The following GABRB1 variants were observed in gnomAD, a reference collection of about 807,000 sequenced individuals.
GABRB1 encodes the protein gamma-aminobutyric acid receptor subunit beta-1.
A neutral mutation model predicts 51.6 loss-of-function variants in GABRB1; 17 were observed. The observed-to-expected ratio is 0.33, with a 90% CI of 0.23 to 0.49. The LOEUF (loss-of-function observed/expected upper bound fraction) is 0.49. GABRB1 is among the 20% of genes least tolerant of loss of function. GABRB1 has a pLI of 0.99. For synonymous variants in GABRB1, 247 were observed against 218.9 expected, an observed-to-expected ratio of 1.13 and a Z score of -1.14; for missense variants, 410 against 600.6, an observed-to-expected ratio of 0.68 and a Z score of 3.32.
In GABRB1 at chr4:47,156,057, T is replaced by C. The variant is rs569006385; in HGVS notation, c.241-5192T>C. Reference sequence around the variant, plus strand: ...AATGGGAGTGCAGATATCTCATTGATATATTGTTTCATTTCTTTTGGCATG... The same window carrying C: ...AATGGGAGTGCAGATATCTCATTGACATATTGTTTCATTTCTTTTGGCATG... On this transcript the variant is annotated intron_variant, in intron 3 of 8. Coordinates refer to ENST00000295454, the MANE Select transcript of GABRB1 (RefSeq NM_000812.4). 1.2e-4 allele frequency among the ~76,000 whole-genome samples: 18 copies of C among 151,484 alleles called. No homozygotes were observed. In the South Asian group the frequency reaches 3.3e-3, roughly 28 times the overall value.
intron 3 of GABRB1, 166 bp downstream of exon 3, chr4:47,032,650 T>G: frequency 1.4e-6 from 1 of 736,640 alleles, no homozygotes; most frequent in Non-Finnish European, 2.5e-6. Flanking sequence ...GCCCCTGGTT[T>G]GTAATTTCGA....
chr4:47,274,791 C>A (rs900695844), intron 4 of GABRB1, among the ~76,000 whole-genome samples: 37 of 152,254 alleles, frequency 2.4e-4, no homozygotes, highest in African/African-American at 7.7e-4. Flanking sequence ...TTCATTCAGG[C>A]TAACTCTCAA....
intron 4 of GABRB1, among the ~76,000 whole-genome samples, chr4:47,260,909 A>T (rs542064051): frequency 6.6e-6 from 1 of 152,342 alleles, no homozygotes; most frequent in Admixed American, 6.5e-5. Flanking sequence ...GCAAATCAAT[A>T]AATGTAATCC....
intron 3 of GABRB1, among the ~76,000 whole-genome samples, chr4:47,073,426 T>A (rs1283593625): frequency 6.6e-6 from 1 of 152,164 alleles, no homozygotes; most frequent in Admixed American, 6.5e-5. Flanking sequence ...CACTTCCTAA[T>A]GCTATAATAA....
chr4:46,997,218 A>G (rs7683042), intron 1 of GABRB1, among the ~76,000 whole-genome samples: 51,508 of 151,836 alleles, frequency 0.34, 9,200 homozygotes, highest in Middle Eastern at 0.45. Flanking sequence ...GAGGTATACA[A>G]CAAGATGTTT....
At chr4:47,121,526 G>C (rs1293140798) in intron 3 of GABRB1, among the ~76,000 whole-genome samples, 1 of 152,030 alleles carries the variant, frequency 6.6e-6, no homozygotes, top group African/African-American at 2.4e-5. Flanking sequence ...ATTGATGAAG[G>C]CTTCCATTTG....
At chr4:47,011,356 T>C (rs537748311) in intron 1 of GABRB1, among the ~76,000 whole-genome samples, 1 of 152,162 alleles carries the variant, frequency 6.6e-6, no homozygotes, top group South Asian at 2.1e-4. Context: ...CTGTGAACTG[T>C]CTGGGCGGCA....
At chr4:47,289,893 T>C (rs1723658714) in intron 4 of GABRB1, among the ~76,000 whole-genome samples, 1 of 152,220 alleles carries the variant, frequency 6.6e-6, no homozygotes, top group Admixed American at 6.5e-5. Flanking sequence ...GCAAAGAATA[T>C]TGGGAACTTT....
At chr4:47,375,347 C>G (rs1197608271) in intron 5 of GABRB1, among the ~76,000 whole-genome samples, 1 of 152,128 alleles carries the variant, frequency 6.6e-6, no homozygotes, top group African/African-American at 2.4e-5. Flanking sequence ...TCCAGGAAAA[C>G]AATCATGAAT....
chr4:47,331,654 A>G (rs2109975807), intron 5 of GABRB1, among the ~76,000 whole-genome samples: 1 of 152,230 alleles, frequency 6.6e-6, no homozygotes, highest in South Asian at 2.1e-4. Flanking sequence ...ACACTTAAAG[A>G]CACATTTTAT....
At chr4:47,298,748 C>A (rs1231557125) in intron 4 of GABRB1, among the ~76,000 whole-genome samples, 1 of 152,136 alleles carries the variant, frequency 6.6e-6, no homozygotes, top group Non-Finnish European at 1.5e-5. Context: ...CTTTAAAGTT[C>A]ATATGGAAAC....
At chr4:47,089,660 T>C (rs1465960224) in intron 3 of GABRB1, among the ~76,000 whole-genome samples, 4 of 152,164 alleles carry the variant, frequency 2.6e-5, no homozygotes, top group East Asian at 1.9e-4. Context: ...AATATTCAGA[T>C]TCAAATATTA....
chr4:47,353,514 ACTGCCT>A (rs1034568484), intron 5 of GABRB1, among the ~76,000 whole-genome samples: 7 of 152,210 alleles, frequency 4.6e-5, no homozygotes, highest in Non-Finnish European at 7.3e-5. Flanking sequence ...ATAAAGAAAT[ACTGCCT>A]CTTCCCACCT....
intron 3 of GABRB1, among the ~76,000 whole-genome samples, chr4:47,127,683 G>T (rs544167486): frequency 1.3e-5 from 2 of 151,768 alleles, no homozygotes; most frequent in Non-Finnish European, 3.0e-5. Context: ...AAACTCTTTT[G>T]TTTCCCTTTC....
At chr4:47,174,898 T>A (rs1256471901) in intron 4 of GABRB1, among the ~76,000 whole-genome samples, 1 of 132,556 alleles carries the variant, frequency 7.5e-6, no homozygotes, top group Admixed American at 7.8e-5. Context: ...CTTTCCTTCC[T>A]TCCTTCCTTC....
Position 47,317,670 on chromosome 4 carries a change from G to T in GABRB1, c.462-2457G>T, listed in dbSNP as rs540284149. On this transcript the variant is annotated intron_variant, in intron 4 of 8. Transcript: ENST00000295454. Reference sequence around the variant, plus strand: ...CAATGTCCTAAGAAAGGCTTCAAAAGGTATGTGAAAATGTTCATATCTGTG... The same window carrying T: ...CAATGTCCTAAGAAAGGCTTCAAAATGTATGTGAAAATGTTCATATCTGTG... Among the ~76,000 whole-genome samples the T allele has an allele frequency of 2.2e-3, 338 of 151,922 alleles. 1 individual carries two copies. Among genetic ancestry groups the T allele is most frequent in the African/African-American group, 7.9e-3 (327 of 41,482 alleles).
intron 4 of GABRB1, among the ~76,000 whole-genome samples, chr4:47,209,870 G>A (rs1014325778): frequency 5.9e-5 from 9 of 152,002 alleles, no homozygotes; most frequent in African/African-American, 1.9e-4. Context: ...GTAGAGATGG[G>A]TATATATGTT....
At chr4:47,169,647 A>C (rs910169535) in intron 4 of GABRB1, among the ~76,000 whole-genome samples, 14 of 152,156 alleles carry the variant, frequency 9.2e-5, no homozygotes, top group Middle Eastern at 3.4e-3. Context: ...GATTACAGGC[A>C]CGTGCCACCG....
At position 47,382,460 on chromosome 4, in the gene GABRB1, G is replaced by A. The variant is rs761946916; in HGVS notation, c.545-20858G>A. Among the ~76,000 whole-genome samples the A allele has an allele frequency of 5.9e-5, 9 of 152,246 alleles. No individual in the cohort carries two copies. The South Asian group carries it at 6.2e-4, about 11-fold the overall frequency. On this transcript the variant is annotated intron_variant, in intron 5 of 8. Transcript: ENST00000295454. Reference sequence around the variant, plus strand: ...TGTACTTGGAAGCATTCTTCTAAGCGTTTTGATGATGGATTGCTTCTAAGA... The same window carrying A: ...TGTACTTGGAAGCATTCTTCTAAGCATTTTGATGATGGATTGCTTCTAAGA...
Sources: allele counts gnomAD v4.1 joint callset (sites outside exome capture counted in the v4.1 genomes callset), GRCh38; gene constraint gnomAD v4.1.1; transcripts MANE v1.5; gene names NCBI Gene and HGNC (gene_info 2026-07-23, HGNC 2026-07-21).